LPP: variants seen among roughly 807,000 people sequenced by gnomAD.
LPP encodes lipoma-preferred partner.
In LPP, 38 loss-of-function variants were observed where a neutral mutation model predicts 60.4. That is an observed-to-expected ratio of 0.63 (90% CI 0.49 to 0.83). LPP has a LOEUF of 0.83. Among genes scored for constraint, LPP ranks in the 40% least tolerant of loss-of-function variants. The pLI is 0.00. For missense variants in LPP, 902 were observed against 783.6 expected, an observed-to-expected ratio of 1.15 and a Z score of -1.80; for synonymous variants, 328 against 290.8, an observed-to-expected ratio of 1.13 and a Z score of -1.30.
intron 6 of LPP, among the ~76,000 whole-genome samples, chr3:188,551,201 G>A (rs975974866): frequency 3.3e-5 from 5 of 152,154 alleles, no homozygotes; most frequent in Non-Finnish European, 7.3e-5. Context: ...GGCGGGAGGC[G>A]AAAGGCACTT....
intron 5 of LPP, among the ~76,000 whole-genome samples, chr3:188,511,098 C>G (rs888706247): frequency 1.6e-5 from 2 of 124,566 alleles, no homozygotes; most frequent in African/African-American, 3.0e-5. Context: ...CCCCCTCCCT[C>G]CCTCCCTCCT....
chr3:188,318,469 T>C (rs1755799924), intron 2 of LPP, among the ~76,000 whole-genome samples: 1 of 151,750 alleles, frequency 6.6e-6, no homozygotes, highest in African/African-American at 2.4e-5. Flanking sequence ...ATTTTTGTGA[T>C]AGTGATGAAG....
intron 3 of LPP, among the ~76,000 whole-genome samples, chr3:188,387,403 A>G (rs2148637311): frequency 6.6e-6 from 1 of 152,262 alleles, no homozygotes; most frequent in African/African-American, 2.4e-5. Context: ...GAATGATTAC[A>G]ATTTTAATAA....
intron 7 of LPP, among the ~76,000 whole-genome samples, chr3:188,678,143 A>G (rs975427844): frequency 1.3e-5 from 2 of 152,170 alleles, no homozygotes; most frequent in African/African-American, 4.8e-5. Flanking sequence ...ACATTGCTTT[A>G]TAGTTTCTGT....
At chr3:188,398,983 T>A (rs779583616) in intron 3 of LPP, among the ~76,000 whole-genome samples, 1 of 152,182 alleles carries the variant, frequency 6.6e-6, no homozygotes, top group African/African-American at 2.4e-5. Flanking sequence ...ATCAAAACAA[T>A]GAGGAGAATC....
intron 9 of LPP, among the ~76,000 whole-genome samples, chr3:188,842,195 C>G (rs551247171): frequency 6.6e-6 from 1 of 152,156 alleles, no homozygotes; most frequent in African/African-American, 2.4e-5. Context: ...TTGCTATTAC[C>G]TGTCTTTTGG....
In LPP at chr3:188,372,024, G is replaced by C. The variant is rs1001871725; in HGVS notation, c.-10+30305G>C. Among the ~76,000 whole-genome samples the C allele has an allele frequency of 9.9e-5, 15 of 151,678 alleles. No individual in the cohort carries two copies. The East Asian group carries it at 2.9e-3, about 30-fold the overall frequency. ...TTTTCTCCCTCTGGCCTAGTTTGTG[G>C]GGAGAGGTATGTTTCCCCAAAGATG... On this transcript the variant is annotated intron_variant, in intron 3 of 11. Transcript: ENST00000617246.
chr3:188,374,390 G>A (rs1186888774), intron 3 of LPP, among the ~76,000 whole-genome samples: 2 of 152,070 alleles, frequency 1.3e-5, no homozygotes, highest in Non-Finnish European at 2.9e-5. Flanking sequence ...TCCTTGAGCA[G>A]TGGTTTGTAG....
chr3:188,240,212 A>G (rs549541039), intron 2 of LPP: 2 of 178,450 alleles, frequency 1.1e-5, no homozygotes, highest in East Asian at 9.4e-5. Flanking sequence ...TCCTTTCATA[A>G]ACTAATTTAA....
chr3:188,250,722 CTCTCTTTCTTTCTT>C (rs1426938108), intron 2 of LPP, among the ~76,000 whole-genome samples: 6 of 137,224 alleles, frequency 4.4e-5, no homozygotes, highest in Non-Finnish European at 7.9e-5. Context: ...TTCTTTCTTT[CTCTCTTTCTTTCTT>C]TCTTTCTTTC....
At chr3:188,503,061 T>C (rs140640630) in intron 5 of LPP, among the ~76,000 whole-genome samples, 50 of 152,180 alleles carry the variant, frequency 3.3e-4, no homozygotes, top group African/African-American at 1.2e-3. Context: ...TTATTTCCTA[T>C]ATAATTTTTT....
intron 6 of LPP, among the ~76,000 whole-genome samples, chr3:188,594,743 AT>A (rs1241932540): frequency 6.6e-6 from 1 of 152,118 alleles, no homozygotes; most frequent in Non-Finnish European, 1.5e-5. Flanking sequence ...AGATATGATT[AT>A]TTTTTTCTGT....
At chr3:188,581,236 G>A (rs1836011548) in intron 6 of LPP, among the ~76,000 whole-genome samples, 1 of 152,008 alleles carries the variant, frequency 6.6e-6, no homozygotes, top group Non-Finnish European at 1.5e-5. Context: ...GCAGAACCAT[G>A]AGAATGCCAG....
chr3:188,293,939 G>A (rs1746917129), intron 2 of LPP, among the ~76,000 whole-genome samples: 1 of 151,532 alleles, frequency 6.6e-6, no homozygotes, highest in Admixed American at 6.6e-5. Flanking sequence ...AGTAGTGTGT[G>A]CCTGTAATCC....
At chr3:188,589,384 A>G (rs1838175604) in intron 6 of LPP, among the ~76,000 whole-genome samples, 1 of 152,178 alleles carries the variant, frequency 6.6e-6, no homozygotes. Context: ...AAGAAAAATG[A>G]AAGCAGATCT....
intron 9 of LPP, among the ~76,000 whole-genome samples, chr3:188,848,721 A>C (rs574354123): frequency 6.6e-6 from 1 of 152,202 alleles, no homozygotes; most frequent in African/African-American, 2.4e-5. Context: ...TAATCCCAGC[A>C]CTTTGGGAGG....
intron 9 of LPP, among the ~76,000 whole-genome samples, chr3:188,827,695 GGGCA>G (rs1238637037): frequency 1.3e-5 from 2 of 152,072 alleles, no homozygotes; most frequent in African/African-American, 4.8e-5. Flanking sequence ...CAAATGGTGG[GGGCA>G]GGGGTAGGGG....
At chr3:188,300,703 T>G (rs1749534653) in intron 2 of LPP, among the ~76,000 whole-genome samples, 1 of 152,198 alleles carries the variant, frequency 6.6e-6, no homozygotes, top group African/African-American at 2.4e-5. Context: ...GTTGGTCTCC[T>G]GAATGTCCTG....
chr3:188,827,403 TACAG>T, intron 9 of LPP, among the ~76,000 whole-genome samples: 2 of 152,292 alleles, frequency 1.3e-5, no homozygotes, highest in South Asian at 2.1e-4. Flanking sequence ...ATACAAATAG[TACAG>T]ACAAAGTAAC....
Sources: gnomAD v4.1 joint callset for allele counts (sites outside exome capture counted in the v4.1 genomes callset) on GRCh38, gnomAD v4.1.1 for gene constraint, MANE v1.5 for transcripts, NCBI Gene and HGNC (gene_info 2026-07-23, HGNC 2026-07-21) for gene names.